The following SPATA7 variants were observed in gnomAD, a reference collection of about 807,000 sequenced individuals.
The protein encoded by SPATA7 is spermatogenesis associated 7.
In SPATA7, 43 loss-of-function variants were observed where a neutral mutation model predicts 51.8. That is an observed-to-expected ratio of 0.83 (90% CI 0.65 to 1.07). SPATA7 has a LOEUF of 1.07. Ranked by LOEUF, SPATA7 falls within the 50% of genes least tolerant of loss-of-function variation. The pLI, the probability that SPATA7 is intolerant of heterozygous loss-of-function variation, is 0.00. For missense variants in SPATA7, 683 were observed against 701.3 expected, an observed-to-expected ratio of 0.97 and a Z score of 0.30; for synonymous variants, 230 against 252.8, an observed-to-expected ratio of 0.91 and a Z score of 0.86.
chr14:88,433,943 A>T lies in SPATA7; in HGVS notation c.1160+731A>T, dbSNP rs191632066. Reference sequence around the variant, plus strand: ...ATCAAAAAGACCTAAGATTTTTGGCATTAATTCTGTTGACCCCTTTCATTT... The same window carrying T: ...ATCAAAAAGACCTAAGATTTTTGGCTTTAATTCTGTTGACCCCTTTCATTT... On this transcript the variant is annotated intron_variant, in intron 10 of 11. Coordinates refer to ENST00000393545, the MANE Select transcript of SPATA7 (RefSeq NM_018418.5). 1.1e-3 allele frequency among the ~76,000 whole-genome samples: 162 copies of T among 152,310 alleles called. 2 individuals carry two copies. In the East Asian group the frequency reaches 0.023, roughly 22 times the overall value.
rs1182660937 is a variant in SPATA7, at chr14:88,438,198, A to G, written c.1576A>G (p.Ser526Gly). 1.2e-6 allele frequency: 2 copies of G among 1,613,910 alleles called. No homozygotes were observed. Among genetic ancestry groups the G allele is most frequent in the Non-Finnish European group, 1.7e-6 (2 of 1,179,944 alleles). The change falls in exon 12 of 12, where the codon AGT becomes GGT. Residue 526 changes from serine (S) to glycine (G), a missense_variant. Transcript: ENST00000393545. ...ETSTLDENHPSISDSLTDRET... is the reference protein window; with the variant it reads ...ETSTLDENHPGISDSLTDRET... ...TTCAACTTTGGATGAAAATCATCCAAGTATTTCAGACAGTTTAACAGATCG... is the reference window on the plus strand; with the variant it reads ...TTCAACTTTGGATGAAAATCATCCAGGTATTTCAGACAGTTTAACAGATCG...
chr14:88,397,500 G>C (rs1236157303), intron 4 of SPATA7, among the ~76,000 whole-genome samples: 1 of 151,966 alleles, frequency 6.6e-6, no homozygotes, highest in Admixed American at 6.6e-5. Context: ...AAAATTAGCT[G>C]GATGTGGTGG....
At chr14:88,440,615 G>A (rs2077172014), downstream of SPATA7, among the ~76,000 whole-genome samples, 1 of 152,084 alleles carries the variant, frequency 6.6e-6, no homozygotes, top group African/African-American at 2.4e-5. Flanking sequence ...CCCATCAACT[G>A]AGGCTGAGAG....
intron 4 of SPATA7, among the ~76,000 whole-genome samples, chr14:88,398,067 G>A (rs963248281): frequency 6.7e-6 from 1 of 148,608 alleles, no homozygotes; most frequent in Non-Finnish European, 1.5e-5. Flanking sequence ...GGGCGAGAGA[G>A]CAAGACACCG....
chr14:88,423,891 GA>G (rs1410430414), intron 5 of SPATA7, among the ~76,000 whole-genome samples: 3 of 152,052 alleles, frequency 2.0e-5, no homozygotes, highest in African/African-American at 7.2e-5. Flanking sequence ...CCGACAATTG[GA>G]AAATTATTGT....
At chr14:88,409,606 C>A (rs541674080) in intron 4 of SPATA7, among the ~76,000 whole-genome samples, 1 of 152,102 alleles carries the variant, frequency 6.6e-6, no homozygotes, top group East Asian at 1.9e-4. Flanking sequence ...CTGCTCTGAT[C>A]TTAGTTATTT....
intron 3 of SPATA7, among the ~76,000 whole-genome samples, chr14:88,394,415 G>A (rs766358768): frequency 3.3e-5 from 5 of 152,134 alleles, no homozygotes; most frequent in South Asian, 2.1e-4. Context: ...ATCATGTATC[G>A]TTTTGGGTCT....
At chr14:88,448,257 T>C (rs2077227762) in intron 3 of SPATA7, among the ~76,000 whole-genome samples, 1 of 152,242 alleles carries the variant, frequency 6.6e-6, no homozygotes. Context: ...GCTGATACCC[T>C]TTCTTCCAGT....
rs547835714 is a variant in SPATA7, at chr14:88,407,928, C to T, written c.239-8783C>T. Among the ~76,000 whole-genome samples, 8 of 152,112 alleles carry T rather than the reference C, an allele frequency of 5.3e-5. No individual in the cohort carries two copies. In the East Asian group the frequency reaches 1.5e-3, roughly 29 times the overall value. On this transcript the variant is annotated intron_variant, in intron 4 of 11. Coordinates refer to ENST00000393545, the MANE Select transcript of SPATA7 (RefSeq NM_018418.5). ...AGATCAGATGGTTGTAGATGTGTGG[C>T]GTTACTTCTGAGACCTCTGTTCTAT...
intron 3 of SPATA7, among the ~76,000 whole-genome samples, chr14:88,446,581 G>A (rs1186362545): frequency 5.9e-5 from 9 of 152,070 alleles, no homozygotes; most frequent in African/African-American, 1.9e-4. Flanking sequence ...ATGTTAGGGT[G>A]TCAGTTTTGG....
chr14:88,438,812 T>G (rs751327077), downstream of SPATA7, among the ~76,000 whole-genome samples: 2 of 152,236 alleles, frequency 1.3e-5, no homozygotes, highest in Non-Finnish European at 2.9e-5. Context: ...TTAGGGAAAT[T>G]ATAACGTGGC....
At chr14:88,431,568 G>A (rs1002950953) in intron 9 of SPATA7, among the ~76,000 whole-genome samples, 2 of 152,082 alleles carry the variant, frequency 1.3e-5, no homozygotes, top group Non-Finnish European at 2.9e-5. Flanking sequence ...CTCCTATCTA[G>A]CTATAATTTT....
downstream of SPATA7, among the ~76,000 whole-genome samples, chr14:88,456,050 T>G (rs2077282238): frequency 1.3e-5 from 2 of 152,222 alleles, no homozygotes; most frequent in South Asian, 4.1e-4. Context: ...ACAAAGGACA[T>G]GAACTCATCA....
In SPATA7 at chr14:88,448,558, G is replaced by A. The variant is rs1247898309; in HGVS notation, c.178-6502G>A. Among the ~76,000 whole-genome samples, 7 of 152,238 alleles carry A rather than the reference G, an allele frequency of 4.6e-5. No individual in the cohort carries two copies. The East Asian group carries it at 7.7e-4, about 17-fold the overall frequency. On this transcript the variant is annotated intron_variant, in intron 3 of 3. Transcript: ENST00000554802. ...TGCGTTCCTTTGGAGGAGGAGAGGC[G>A]CTCTGCTTTTTAGAGTTTCCAGTTT...
downstream of SPATA7, among the ~76,000 whole-genome samples, chr14:88,443,300 G>A (rs1200372798): frequency 6.6e-6 from 1 of 152,056 alleles, no homozygotes; most frequent in African/African-American, 2.4e-5. Flanking sequence ...TTATTGGTCT[G>A]TTTAGAGTTT....
At chr14:88,393,790 C>T (rs2075808002) in intron 3 of SPATA7, among the ~76,000 whole-genome samples, 1 of 152,026 alleles carries the variant, frequency 6.6e-6, no homozygotes. Flanking sequence ...TTTGTTTACA[C>T]ATCTATGGAA....
intron 3 of SPATA7, among the ~76,000 whole-genome samples, chr14:88,445,786 C>A (rs1354167412): frequency 3.9e-5 from 6 of 152,020 alleles, no homozygotes; most frequent in Non-Finnish European, 5.9e-5. Context: ...GCTGGATTAC[C>A]TTTATTGATT....
chr14:88,390,809 C>T (rs1238318826), intron 1 of SPATA7, among the ~76,000 whole-genome samples: 2 of 151,908 alleles, frequency 1.3e-5, no homozygotes, highest in African/African-American at 4.8e-5. Context: ...TAGGTCTTAC[C>T]CTCCTTCTTT....
intron 4 of SPATA7, among the ~76,000 whole-genome samples, chr14:88,463,772 T>C (rs1292538152): frequency 6.6e-6 from 1 of 152,176 alleles, no homozygotes; most frequent in African/African-American, 2.4e-5. Flanking sequence ...CTTCAAATGT[T>C]TTCTAAAACT....
Sources: allele counts gnomAD v4.1 joint callset (sites outside exome capture counted in the v4.1 genomes callset), GRCh38; gene constraint gnomAD v4.1.1; transcripts MANE v1.5; gene names NCBI Gene and HGNC (gene_info 2026-07-23, HGNC 2026-07-21).